Variants in PNCK observed in about 807,000 individuals in gnomAD.
The protein encoded by PNCK is calcium/calmodulin-dependent protein kinase type 1B.
Under a neutral mutation model 28.3 loss-of-function variants are expected in PNCK, and 21 were observed. The ratio of observed to expected loss-of-function variants is 0.74; its 90% CI spans 0.53 to 1.07. The LOEUF (loss-of-function observed/expected upper bound fraction) is 1.07. Ranked by LOEUF, PNCK falls within the 50% of genes least tolerant of loss-of-function variation. PNCK has a pLI of 0.00. For synonymous variants in PNCK, 136 were observed against 125.2 expected, an observed-to-expected ratio of 1.09 and a Z score of -0.58; for missense variants, 250 against 298.3, an observed-to-expected ratio of 0.84 and a Z score of 1.19.
intron 1 of PNCK, among the ~76,000 whole-genome samples, chrX:153,682,267 G>A (rs1341998950): frequency 1.8e-5 from 2 of 110,404 alleles, no homozygotes; most frequent in Non-Finnish European, 3.8e-5. Flanking sequence ...GGGATTACAG[G>A]TGTGGGCCAC....
In PNCK at chrX:153,672,197, G is replaced by A. The variant is rs2148337683; in HGVS notation, c.204C>T (p.Ile68=). ...VENEIAVLRR[I]SHPNIVALED... ...CCAGAGCGACGATGTTGGGGTGACT[G>A]ATCCTGCAATGGCAAGGAAGCGCCT... is the stretch of plus-strand genomic sequence containing the variant. The change falls in exon 4 of 12, where the codon ATC becomes ATT. Residue 68 remains isoleucine, a synonymous_variant. Coordinates refer to ENST00000340888, the MANE Select transcript of PNCK (RefSeq NM_001366977.1). 8.3e-7 allele frequency: 1 copy of A among 1,203,607 alleles called. No homozygotes were observed.
At chrX:153,673,886 C>T (rs1391087261), upstream of PNCK, 4 of 866,555 alleles carry the variant, frequency 4.6e-6, no homozygotes, top group African/African-American at 8.7e-5. Flanking sequence ...GCCAGCCGCC[C>T]AAGCACGCAG....
chrX:153,674,447 G>T, upstream of PNCK: 1 of 265,390 alleles, frequency 3.8e-6, no homozygotes, highest in Non-Finnish European at 6.5e-6. Flanking sequence ...GCCTCCTGAC[G>T]GCCCTAGCCT....
Position 153,686,511 on chromosome X carries a change from C to A in PNCK, c.-3+920G>T, listed in dbSNP as rs147878894. The stretch of plus-strand genomic sequence containing the variant: ...GCCCTCCGAGCCTACTTCACCGGGT[C>A]CTCTTCTTTCTCTCAAAGGCAATGG... On this transcript the variant is annotated intron_variant, in intron 1 of 3. Coordinates refer to the PNCK transcript ENST00000419804. 187 of 112,208 alleles carry A rather than the reference C, an allele frequency of 1.7e-3. 1 individual carries two copies. The highest frequency in any genetic ancestry group is 5.3e-3 in the East Asian group (19 of 3,566). 9.2% of individuals were successfully genotyped at this position (112,208 alleles called of 1,213,427 possible).
At chrX:153,673,822 C>G (rs1457295642), upstream of PNCK, 1 of 749,523 alleles carries the variant, frequency 1.3e-6, no homozygotes, top group Non-Finnish European at 1.6e-6. Context: ...GTGGCCGCAG[C>G]GCCAAGCCCC....
At chrX:153,687,425 T>C in intron 1 of PNCK, 2 of 328,495 alleles carry the variant, frequency 6.1e-6, no homozygotes, top group Non-Finnish European at 1.2e-5. Flanking sequence ...CACAGAGGCC[T>C]GTCACCTGAA....
upstream of PNCK, among the ~76,000 whole-genome samples, chrX:153,676,809 A>G (rs1557041646): frequency 1.8e-5 from 2 of 108,393 alleles, no homozygotes; most frequent in Non-Finnish European, 3.8e-5. Context: ...GGTTGCAGTG[A>G]GCCAAGATCG....
chrX:153,671,511 A>T (rs1275224901), intron 6 of PNCK, 38 bp downstream of exon 6: 2 of 1,208,942 alleles, frequency 1.7e-6, no homozygotes, highest in African/African-American at 3.5e-5. Flanking sequence ...CCCCCAGGCC[A>T]CCCCACTCCC....
At chrX:153,684,114 G>T (rs2314065) in intron 1 of PNCK, among the ~76,000 whole-genome samples, 19,987 of 111,129 alleles carry the variant, frequency 0.18, 1,931 homozygotes, top group African/African-American at 0.37. Flanking sequence ...AACTATAAAC[G>T]AAATTTCTCC....
chrX:153,681,222 C>G (rs1341134498), intron 1 of PNCK, among the ~76,000 whole-genome samples: 1 of 111,529 alleles, frequency 9.0e-6, no homozygotes, highest in Non-Finnish European at 1.9e-5. Context: ...GAACAGACAA[C>G]ACTCCTGCAC....
At chrX:153,684,527 C>G (rs2148353880) in intron 1 of PNCK, among the ~76,000 whole-genome samples, 1 of 107,414 alleles carries the variant, frequency 9.3e-6, no homozygotes, top group African/African-American at 3.4e-5. Context: ...CGCACGTCGG[C>G]CCCCTCCCCA....
At chrX:153,681,150 T>G (rs187875983) in intron 1 of PNCK, among the ~76,000 whole-genome samples, 28 of 110,203 alleles carry the variant, frequency 2.5e-4, no homozygotes, top group Admixed American at 2.2e-3. Flanking sequence ...AAACCAAATA[T>G]AAGGTACACA....
At chrX:153,676,950 C>T (rs2091368895), upstream of PNCK, among the ~76,000 whole-genome samples, 2 of 111,136 alleles carry the variant, frequency 1.8e-5, no homozygotes, top group Non-Finnish European at 3.8e-5. Flanking sequence ...GGGGAACAAA[C>T]ATTTCTAACA....
upstream of PNCK, among the ~76,000 whole-genome samples, chrX:153,679,893 A>G (rs2091387986): frequency 9.1e-6 from 1 of 109,813 alleles, no homozygotes; most frequent in Non-Finnish European, 1.9e-5. Context: ...TTCTTCAAAA[A>G]ATTTACAAAT....
At chrX:153,679,419 C>G (rs782494795), upstream of PNCK, among the ~76,000 whole-genome samples, 3 of 108,801 alleles carry the variant, frequency 2.8e-5, no homozygotes, top group Non-Finnish European at 5.7e-5. Context: ...TTGCAATTCC[C>G]TAAAGATGTA....
At chrX:153,684,451 C>G (rs1360804357) in intron 1 of PNCK, among the ~76,000 whole-genome samples, 2 of 111,514 alleles carry the variant, frequency 1.8e-5, no homozygotes, top group Admixed American at 1.9e-4. Flanking sequence ...TGCTGCCCCC[C>G]ATCCCTGCCC....
chrX:153,685,521 G>A (rs1251582693), intron 1 of PNCK, among the ~76,000 whole-genome samples: 3 of 111,942 alleles, frequency 2.7e-5, no homozygotes, highest in Non-Finnish European at 5.7e-5. Flanking sequence ...GGTGGCCGAC[G>A]TGGGGAGGGT....
chrX:153,671,681 C>T lies in PNCK; in HGVS notation c.415-9G>A. ...TACAGGAGGTTTTCGGGCTGTGACA[C>T]ACGGACACCGGGAAAAGGGCCAGTC... is the stretch of plus-strand genomic sequence containing the variant. On this transcript the variant is annotated splice_polypyrimidine_tract_variant and intron_variant, in intron 5 of 11. Coordinates refer to ENST00000340888, the MANE Select transcript of PNCK (RefSeq NM_001366977.1). 8.5e-7 allele frequency: 1 copy of T among 1,180,984 alleles called. No homozygotes were observed. The highest frequency in any genetic ancestry group is 3.0e-5 in the East Asian group (1 of 33,575).
chrX:153,679,786 G>A (rs1232367097), upstream of PNCK, among the ~76,000 whole-genome samples: 1 of 109,714 alleles, frequency 9.1e-6, no homozygotes, highest in African/African-American at 3.3e-5. Flanking sequence ...TGGCCAGGCT[G>A]GTCTCGAACT....
Sources: allele counts gnomAD v4.1 joint callset (sites outside exome capture counted in the v4.1 genomes callset), GRCh38; gene constraint gnomAD v4.1.1; transcripts MANE v1.5; gene names NCBI Gene and HGNC (gene_info 2026-07-23, HGNC 2026-07-21).